Variants in COQ8A observed in about 807,000 individuals in gnomAD.
COQ8A encodes coenzyme Q8A, also known as atypical kinase COQ8A, mitochondrial.
A neutral mutation model predicts 65.0 loss-of-function variants in COQ8A; 51 were observed. The ratio of observed to expected loss-of-function variants is 0.78; its 90% CI spans 0.63 to 0.99. The LOEUF (loss-of-function observed/expected upper bound fraction) is 0.99, where lower values mean the gene tolerates loss of function less well. Ranked by LOEUF, COQ8A falls within the 50% of genes least tolerant of loss-of-function variation. The pLI, the probability that COQ8A is intolerant of heterozygous loss-of-function variation, is 0.00. For missense variants in COQ8A, 940 were observed against 875.0 expected (o/e 1.07, Z -0.94); for synonymous variants, 371 against 353.2 (o/e 1.05, Z -0.57).
Position 226,965,247 on chromosome 1 carries a change from A to G in COQ8A, c.425A>G (p.Asn142Ser), listed in dbSNP as rs1188142530. The G allele has an allele frequency of 2.5e-6, 4 of 1,613,894 alleles. No homozygotes were observed. The highest frequency in any genetic ancestry group is 3.4e-6 in the Non-Finnish European group (4 of 1,180,034). Residue 142 changes from asparagine to serine, a missense_variant, in exon 3 of 15, where the codon AAC becomes AGC. Physicochemically the swap from Asn to Ser is conservative, Grantham distance 46. Coordinates refer to ENST00000366777, the MANE Select transcript of COQ8A (RefSeq NM_020247.5). Reference sequence around the variant, plus strand: ...GCCTCCTCCCCTCTGGGCAGGGCCAACGGGAGGCTCTTTGCAAACCCCAGA... The same window carrying G: ...GCCTCCTCCCCTCTGGGCAGGGCCAGCGGGAGGCTCTTTGCAAACCCCAGA... ...GQASSPLGRA[N>S]GRLFANPRDS...
intron 1 of COQ8A, among the ~76,000 whole-genome samples, chr1:226,957,050 A>T (rs1450940138): frequency 9.4e-6 from 1 of 106,798 alleles, no homozygotes. Context: ...CCTGGCTCCC[A>T]CTCTCCCTGA....
At chr1:226,985,403 A>G in intron 14 of COQ8A, 63 bp downstream of exon 14, 1 of 1,575,348 alleles carries the variant, frequency 6.3e-7, no homozygotes, top group Non-Finnish European at 8.7e-7. Flanking sequence ...CCTGTGTAAG[A>G]ATGGATGAAA....
intron 1 of COQ8A, among the ~76,000 whole-genome samples, chr1:226,953,187 G>A (rs1657494789): frequency 6.6e-6 from 1 of 152,078 alleles, no homozygotes. Flanking sequence ...ATGCCACCAC[G>A]CTTGGATAAC....
chr1:226,984,810 C>T (rs1659976397), intron 12 of COQ8A, 66 bp from the exon 13 acceptor site: 1 of 1,566,838 alleles, frequency 6.4e-7, no homozygotes. Context: ...GCACCCCCTT[C>T]CCGGCCCCAC....
intron 2 of COQ8A, among the ~76,000 whole-genome samples, chr1:226,963,423 C>T (rs527776565): frequency 6.0e-5 from 9 of 151,178 alleles, no homozygotes; most frequent in South Asian, 4.2e-4. Flanking sequence ...CGGGTCCCTT[C>T]GGGGCCCTGG....
intron 1 of COQ8A, among the ~76,000 whole-genome samples, chr1:226,960,244 T>C (rs1658082643): frequency 7.1e-6 from 1 of 140,970 alleles, no homozygotes; most frequent in South Asian, 2.3e-4. Flanking sequence ...GTGGTGGTGG[T>C]CCTTGGTGGT....
rs538371297 is a variant in COQ8A, at chr1:226,985,468, C to T, written c.1659+128C>T. On this transcript the variant is annotated intron_variant, in intron 14 of 14. Coordinates refer to ENST00000366777, the MANE Select transcript of COQ8A (RefSeq NM_020247.5). ...CCCAGAGCCCGGGCCTCCTTGGGCA[C>T]GGTCTGAAAGCTGGGGCCCACCCCG... The T allele has an allele frequency of 1.7e-5, 18 of 1,063,698 alleles. No homozygotes were observed. In the African/African-American group the frequency reaches 2.2e-4, roughly 13 times the overall value. 65.9% of individuals were successfully genotyped at this position (1,063,698 alleles called of 1,614,324 possible). A position where few individuals can be genotyped will look rare whatever the true frequency, so the allele number is the denominator to read the frequency against.
rs3905355 is a variant in COQ8A at position 226,982,589 on chromosome 1, G to A, written c.854-89G>A. The A allele has an allele frequency of 7.9e-6, 11 of 1,387,886 alleles. No homozygotes were observed. The South Asian group carries it at 1.3e-4, about 16-fold the overall frequency. 86.0% of individuals were successfully genotyped at this position (1,387,886 alleles called of 1,614,324 possible). ...TGCTCCTGGTGGGGAGGGTGTGGTGGCCAGGGCATCCCAGGAGTGTGCCCG... is the reference window on the plus strand; with the variant it reads ...TGCTCCTGGTGGGGAGGGTGTGGTGACCAGGGCATCCCAGGAGTGTGCCCG... On this transcript the variant is annotated intron_variant, in intron 6 of 14. Coordinates refer to ENST00000366777, the MANE Select transcript of COQ8A (RefSeq NM_020247.5).
chr1:226,986,753 C>T lies in COQ8A; in HGVS notation c.*16C>T. ...CCAGCAGTAGGGCTGCGGGCCACGC[C>T]CAGGCCGGCTCCGCGGGAACTCTCT... On this transcript the variant is annotated 3_prime_UTR_variant, in exon 15 of 15. Coordinates refer to ENST00000366777, the MANE Select transcript of COQ8A (RefSeq NM_020247.5). The T allele has an allele frequency of 6.2e-7, 1 of 1,610,336 alleles. No homozygotes were observed. The highest frequency in any genetic ancestry group is 8.5e-7 in the Non-Finnish European group (1 of 1,179,654).
At chr1:226,977,024 T>C (rs1024758231) in intron 4 of COQ8A, among the ~76,000 whole-genome samples, 10 of 152,178 alleles carry the variant, frequency 6.6e-5, no homozygotes, top group African/African-American at 2.4e-4. Context: ...TGGGAGGCTC[T>C]TCAGACAGAC....
chr1:226,982,422 TTCTTTTGTAATTATGAAA>T (rs1659754234), intron 6 of COQ8A: 6 of 645,500 alleles, frequency 9.3e-6, no homozygotes, highest in Non-Finnish European at 1.1e-5. Context: ...TTTTCCAAAT[TTCTTTTGTAATTATGAAA>T]AACTCTGCAT....
At position 226,978,030 on chromosome 1, in the gene COQ8A, G is replaced by T. The variant is rs542506546; in HGVS notation, c.730+507G>T. On this transcript the variant is annotated intron_variant, in intron 5 of 14. Transcript: ENST00000366777. The stretch of plus-strand genomic sequence containing the variant: ...CCTGCACACCCACCGAACACCCACA[G>T]ACCTTACACACCCCTTGCACACCCA... Among the ~76,000 whole-genome samples the T allele has an allele frequency of 7.6e-5, 7 of 92,228 alleles. No individual in the cohort carries two copies. The East Asian group carries it at 2.2e-3, about 29-fold the overall frequency. 60.5% of individuals were successfully genotyped at this position (92,228 alleles called of 152,430 possible). A position where few individuals can be genotyped will look rare whatever the true frequency, so the allele number is the denominator to read the frequency against.
chr1:226,948,317 C>T (rs1471295909), intron 1 of COQ8A, among the ~76,000 whole-genome samples: 2 of 152,218 alleles, frequency 1.3e-5, no homozygotes, highest in African/African-American at 2.4e-5. Flanking sequence ...TCTCCCATCA[C>T]CTCGTTCTGA....
rs1442529127 is a variant in COQ8A, at chr1:226,946,637, G to A, written c.-10+6238G>A. ...GTGTGGTTGTTGTCTGTCTAGGATT[G>A]CCCCTTGTCTGGGTTAACTGGGTGA... On this transcript the variant is annotated intron_variant, in intron 1 of 14. Coordinates refer to ENST00000366777, the MANE Select transcript of COQ8A (RefSeq NM_020247.5). This position sits in a 1 kb window ranked among gnomAD's most constrained non-coding sequence, Gnocchi z 5.3. 6.6e-6 allele frequency among the ~76,000 whole-genome samples: 1 copy of A among 152,200 alleles called. No homozygotes were observed. The highest frequency in any genetic ancestry group is 2.4e-5 in the African/African-American group (1 of 41,438).
chr1:226,980,674 C>A (rs1266645387), intron 5 of COQ8A, among the ~76,000 whole-genome samples: 1 of 152,252 alleles, frequency 6.6e-6, no homozygotes, highest in Non-Finnish European at 1.5e-5. Context: ...CCTCCCAGGG[C>A]AGCTCAGCCT....
Position 226,965,457 on chromosome 1 carries a change from GC to G in COQ8A, c.588+48del. On this transcript the variant is annotated intron_variant, in intron 3 of 14. Coordinates refer to ENST00000366777, the MANE Select transcript of COQ8A (RefSeq NM_020247.5). The stretch of plus-strand genomic sequence containing the variant: ...AGGGCCGAGGTAGCTGCCACCCACA[GC>G]AGTGATGGCCTTGGGCTCTGCTCTA... 3 of 1,588,026 alleles carry G rather than the reference GC, an allele frequency of 1.9e-6. No homozygotes were observed. The South Asian group carries it at 3.4e-5, about 18-fold the overall frequency.
At chr1:226,982,346 G>A (rs2148125671) in intron 6 of COQ8A, 197 bp downstream of exon 6, 1 of 838,998 alleles carries the variant, frequency 1.2e-6, no homozygotes, top group East Asian at 2.7e-5. Flanking sequence ...ATAAAGAGCA[G>A]AGAGGAAAAA....
intron 1 of COQ8A, among the ~76,000 whole-genome samples, chr1:226,943,302 G>A (rs190571246): frequency 1.3e-5 from 2 of 152,374 alleles, no homozygotes; most frequent in African/African-American, 4.8e-5. Flanking sequence ...ACAGAGAGTT[G>A]TCTTGATTTG....
In COQ8A at chr1:226,961,393, C is replaced by G; in HGVS notation, c.8C>G (p.Ala3Gly). 2 of 1,613,752 alleles carry G rather than the reference C, an allele frequency of 1.2e-6. No individual in the cohort carries two copies. The highest frequency in any genetic ancestry group is 1.1e-5 in the South Asian group (1 of 91,086). ...CTCTTCCAGCCCTGAAGGATGGCTG[C>G]CATATTGGGAGACACCATCATGGTG... MA[A>G]ILGDTIMVAK... The change falls in exon 2 of 15, where the codon GCC (alanine) becomes GGC (glycine). Residue 3 changes from alanine (A) to glycine (G), a missense_variant. Physicochemically the swap from Ala to Gly is moderately conservative, Grantham distance 60. Coordinates refer to ENST00000366777, the MANE Select transcript of COQ8A (RefSeq NM_020247.5).
Sources: allele counts gnomAD v4.1 joint callset (sites outside exome capture counted in the v4.1 genomes callset), GRCh38; gene constraint gnomAD v4.1.1; non-coding constraint Gnocchi (gnomAD v3.1); transcripts MANE v1.5; gene names NCBI Gene and HGNC (gene_info 2026-07-23, HGNC 2026-07-21).